TJP1: variants seen among roughly 807,000 people sequenced by gnomAD.
TJP1 encodes the protein tight junction protein ZO-1.
Under a neutral mutation model 194.2 loss-of-function variants are expected in TJP1, and 43 were observed. The ratio of observed to expected loss-of-function variants is 0.22; its 90% confidence interval spans 0.17 to 0.29. The LOEUF (loss-of-function observed/expected upper bound fraction) is 0.29. Ranked by LOEUF, TJP1 falls within the 10% of genes least tolerant of loss-of-function variation. The pLI is 1.00. For missense variants in TJP1, 1,971 were observed against 2,185.7 expected (o/e 0.90, Z 1.96); for synonymous variants, 801 against 779.0 (o/e 1.03, Z -0.47).
At chr15:29,859,053 T>C (rs551822220) in intron 2 of TJP1, among the ~76,000 whole-genome samples, 9 of 152,276 alleles carry the variant, frequency 5.9e-5, no homozygotes, top group African/African-American at 2.2e-4. Context: ...TAACTGAGGA[T>C]TGATTGTGGA....
At chr15:29,738,274 T>G (rs772598987) in intron 10 of TJP1, among the ~76,000 whole-genome samples, 2 of 152,186 alleles carry the variant, frequency 1.3e-5, no homozygotes, top group Admixed American at 6.5e-5. Context: ...TTTTACCTAT[T>G]CTGACAAGAA....
intron 2 of TJP1, among the ~76,000 whole-genome samples, chr15:29,835,889 A>AAGAGAGAGAG (rs143484883): frequency 1.3e-5 from 2 of 149,524 alleles, no homozygotes; most frequent in East Asian, 1.9e-4. Context: ...TGGACGGGGA[A>AAGAGAGAGAG]AGAGAGAGAG....
intron 2 of TJP1, among the ~76,000 whole-genome samples, chr15:29,834,133 G>A (rs534882161): frequency 3.3e-5 from 5 of 150,844 alleles, no homozygotes; most frequent in African/African-American, 7.3e-5. Flanking sequence ...GGCCCACCTC[G>A]GCTTCCCAAT....
intron 1 of TJP1, among the ~76,000 whole-genome samples, chr15:29,810,650 G>C (rs1331487222): frequency 6.6e-6 from 1 of 152,158 alleles, no homozygotes; most frequent in Non-Finnish European, 1.5e-5. Flanking sequence ...TAATAGCAGA[G>C]AACTAAGTAC....
At chr15:29,816,062 G>A (rs1186248285) in intron 1 of TJP1, among the ~76,000 whole-genome samples, 2 of 151,572 alleles carry the variant, frequency 1.3e-5, no homozygotes, top group Non-Finnish European at 2.9e-5. Context: ...CCAGGCAGGA[G>A]TGCAGTGGTG....
chr15:29,950,849 C>A (rs1174572487), intron 2 of TJP1, among the ~76,000 whole-genome samples: 2 of 152,182 alleles, frequency 1.3e-5, no homozygotes, highest in Non-Finnish European at 2.9e-5. Flanking sequence ...CCACCAGTCT[C>A]ATAGTAGGAA....
At chr15:29,828,826 C>A (rs1355003048) in intron 2 of TJP1, among the ~76,000 whole-genome samples, 2 of 151,480 alleles carry the variant, frequency 1.3e-5, no homozygotes, top group Non-Finnish European at 2.9e-5. Context: ...CTCCACTTCA[C>A]GGGTTCAAGA....
Position 29,705,523 on chromosome 15 carries a change from T to G in TJP1, c.5068+5A>C. 2.5e-6 allele frequency: 4 copies of G among 1,614,030 alleles called. No individual in the cohort carries two copies. Among genetic ancestry groups the G allele is most frequent in the Non-Finnish European group, 3.4e-6 (4 of 1,179,954 alleles). ...AAAACTAAGGAGAAAAATAAACACA[T>G]TTACCTTTCTCTTTATCTAAAGGTG... On this transcript the variant is annotated splice_donor_5th_base_variant and intron_variant, in intron 26 of 27. Coordinates refer to ENST00000614355, the MANE Select transcript of TJP1 (RefSeq NM_001330239.4).
chr15:29,726,697 G>A (rs2043258340), intron 17 of TJP1, 84 bp downstream of exon 17: 3 of 1,342,008 alleles, frequency 2.2e-6, no homozygotes, highest in Non-Finnish European at 3.1e-6. Flanking sequence ...GTAAGTTTTA[G>A]TATTTGAACA....
chr15:29,738,356 TAAC>T (rs918150206), intron 10 of TJP1, among the ~76,000 whole-genome samples: 6 of 152,144 alleles, frequency 3.9e-5, no homozygotes, highest in Admixed American at 6.6e-5. Context: ...TAGATAACAA[TAAC>T]AACAACAACA....
intron 2 of TJP1, among the ~76,000 whole-genome samples, chr15:29,953,407 G>C (rs1473708883): frequency 6.6e-6 from 1 of 152,084 alleles, no homozygotes; most frequent in Non-Finnish European, 1.5e-5. Flanking sequence ...CTCCCAAAGT[G>C]CTGGGATTAC....
At chr15:29,890,591 T>G (rs1393209772) in intron 2 of TJP1, among the ~76,000 whole-genome samples, 1 of 152,164 alleles carries the variant, frequency 6.6e-6, no homozygotes, top group Non-Finnish European at 1.5e-5. Flanking sequence ...TTCTGGTAAA[T>G]ATGGCCTGGA....
At chr15:29,950,192 A>ACCACCACCT (rs2055680553) in intron 2 of TJP1, among the ~76,000 whole-genome samples, 1 of 131,524 alleles carries the variant, frequency 7.6e-6, no homozygotes, top group Non-Finnish European at 1.6e-5. Context: ...CTCCACCACC[A>ACCACCACCT]CCACCACTTC....
At chr15:29,814,494 T>C (rs2049764139) in intron 1 of TJP1, among the ~76,000 whole-genome samples, 1 of 152,354 alleles carries the variant, frequency 6.6e-6, no homozygotes, top group South Asian at 2.1e-4. Context: ...GCTAATCTTA[T>C]ATTAAGTTTA....
intron 2 of TJP1, among the ~76,000 whole-genome samples, chr15:29,788,721 T>C (rs1332322410): frequency 2.0e-5 from 3 of 152,338 alleles, no homozygotes; most frequent in Non-Finnish European, 2.9e-5. Context: ...AAATATTTAA[T>C]CTTTTACATA....
chr15:29,757,068 C>T (rs1219371149), intron 8 of TJP1, among the ~76,000 whole-genome samples: 2 of 152,132 alleles, frequency 1.3e-5, no homozygotes, highest in South Asian at 2.1e-4. Flanking sequence ...TGCTTCACTG[C>T]ATATGGGGAT....
chr15:29,732,726 C>T lies in TJP1; in HGVS notation c.1826G>A (p.Ser609Asn), dbSNP rs531956051. 1 of 1,614,166 alleles carries T rather than the reference C, an allele frequency of 6.2e-7. No homozygotes were observed. Among genetic ancestry groups the T allele is most frequent in the African/African-American group, 1.3e-5 (1 of 75,026 alleles). Residue 609 changes from serine (S) to asparagine (N), a missense_variant, in exon 14 of 28, where the codon AGC becomes AAC. Coordinates refer to ENST00000614355, the MANE Select transcript of TJP1 (RefSeq NM_001330239.4). ...GCTTTTTCGAAGATTTCTCTTGGAG[C>T]TGCGAAGACCTCTGAATCTCCAGAA... Reference protein sequence around the residue: ...ADFWRFRGLRSSKRNLRKSRE... With the variant: ...ADFWRFRGLRNSKRNLRKSRE...
At chr15:29,788,455 C>G (rs1333466444) in intron 2 of TJP1, among the ~76,000 whole-genome samples, 1 of 152,164 alleles carries the variant, frequency 6.6e-6, no homozygotes, top group African/African-American at 2.4e-5. Flanking sequence ...TATACTTACA[C>G]CTATGGTTCA....
intron 2 of TJP1, among the ~76,000 whole-genome samples, chr15:29,941,879 A>G (rs2055092379): frequency 6.6e-6 from 1 of 152,112 alleles, no homozygotes; most frequent in Non-Finnish European, 1.5e-5. Flanking sequence ...ACCTAAAGTT[A>G]GGCTTAAACT....
Sources: allele counts gnomAD v4.1 joint callset (sites outside exome capture counted in the v4.1 genomes callset), GRCh38; gene constraint gnomAD v4.1.1; transcripts MANE v1.5; gene names NCBI Gene and HGNC (gene_info 2026-07-23, HGNC 2026-07-21).